MTURN: variants seen among roughly 807,000 people sequenced by gnomAD.
MTURN encodes maturin.
In MTURN, 7 loss-of-function variants were observed where a neutral mutation model predicts 14.9. That is an observed-to-expected ratio of 0.47 (90% CI 0.27 to 0.88). The LOEUF is 0.88. MTURN is among the 40% of genes least tolerant of loss of function. MTURN has a pLI of 0.14. For synonymous variants in MTURN, 69 were observed against 72.5 expected, an observed-to-expected ratio of 0.95 and a Z score of 0.25; for missense variants, 151 against 174.1, an observed-to-expected ratio of 0.87 and a Z score of 0.75.
chr7:30,156,212 C>T (rs558133420), intron 2 of MTURN, among the ~76,000 whole-genome samples: 6 of 152,230 alleles, frequency 3.9e-5, no homozygotes, highest in Admixed American at 2.6e-4. Context: ...CTTTAAAAAA[C>T]GATGTTTATT....
chr7:30,137,214 T>G (rs1467897871), intron 1 of MTURN: 2 of 162,766 alleles, frequency 1.2e-5, no homozygotes, highest in Non-Finnish European at 2.7e-5. Context: ...CTGGGCTTCC[T>G]TCATCTGCCA....
intron 1 of MTURN, among the ~76,000 whole-genome samples, chr7:30,141,797 A>G (rs1208285827): frequency 6.6e-6 from 1 of 152,212 alleles, no homozygotes; most frequent in Non-Finnish European, 1.5e-5. Flanking sequence ...TGTTGGAATT[A>G]CAGGTGTGAG....
intron 2 of MTURN, among the ~76,000 whole-genome samples, chr7:30,154,100 G>A (rs1346771880): frequency 6.6e-6 from 1 of 152,142 alleles, no homozygotes; most frequent in Admixed American, 6.5e-5. Flanking sequence ...CGAGACACGG[G>A]GTTTTACCGT....
chr7:30,140,048 TCAG>T (rs998478315), intron 1 of MTURN, among the ~76,000 whole-genome samples: 2 of 152,116 alleles, frequency 1.3e-5, no homozygotes, highest in Non-Finnish European at 2.9e-5. Context: ...GAATGGGGTG[TCAG>T]CAGCCACTTG....
rs1796920400 is a variant in MTURN, at chr7:30,135,061, C to T, written c.-76C>T. 4.2e-6 allele frequency: 5 copies of T among 1,187,850 alleles called. No homozygotes were observed. The highest frequency in any genetic ancestry group is 4.8e-5 in the East Asian group (1 of 20,966). The allele number at this position is 1,187,850 out of a possible 1,614,324, so 73.6% of individuals were successfully genotyped here. A position where few individuals can be genotyped will look rare whatever the true frequency, so the allele number is the denominator to read the frequency against. On this transcript the variant is annotated 5_prime_UTR_variant, in exon 1 of 3. Transcript: ENST00000324453. The stretch of plus-strand genomic sequence containing the variant: ...GAGCCCGCGCAGGCCGAGCCGAGCG[C>T]CGCGCTGCCCGCCCGGGAGGAGGGC...
chr7:30,136,377 A>T (rs1796961489), intron 1 of MTURN, among the ~76,000 whole-genome samples: 1 of 152,154 alleles, frequency 6.6e-6, no homozygotes, highest in Non-Finnish European at 1.5e-5. Flanking sequence ...ATAAATAATG[A>T]TCCCCAAATG....
intron 2 of MTURN, among the ~76,000 whole-genome samples, chr7:30,148,339 G>A (rs1305587960): frequency 2.6e-5 from 4 of 152,260 alleles, no homozygotes; most frequent in Non-Finnish European, 5.9e-5. Context: ...GGCCAGTGTG[G>A]CTGAAGGAAT....
chr7:30,135,754 C>A (rs1304998844), intron 1 of MTURN, among the ~76,000 whole-genome samples: 1 of 152,210 alleles, frequency 6.6e-6, no homozygotes, highest in Non-Finnish European at 1.5e-5. Context: ...GCGTCCCGTC[C>A]GGGATAGGAA....
chr7:30,150,813 C>G (rs149804322), intron 2 of MTURN, among the ~76,000 whole-genome samples: 15 of 152,300 alleles, frequency 9.8e-5, no homozygotes, highest in African/African-American at 3.6e-4. Flanking sequence ...AGAAATGGCT[C>G]CATGTGGTGG....
intron 2 of MTURN, among the ~76,000 whole-genome samples, chr7:30,157,175 A>T (rs902511123): frequency 6.6e-6 from 1 of 152,220 alleles, no homozygotes; most frequent in Non-Finnish European, 1.5e-5. Flanking sequence ...CTCTCTGTGC[A>T]TATGTGGTGC....
intron 2 of MTURN, among the ~76,000 whole-genome samples, chr7:30,156,562 C>T (rs1458364938): frequency 1.3e-5 from 2 of 152,118 alleles, no homozygotes; most frequent in African/African-American, 4.8e-5. Flanking sequence ...CATGGTGGCT[C>T]ACGCCTGTAA....
intron 1 of MTURN, 156 bp from the exon 2 acceptor site, chr7:30,146,021 A>G: frequency 6.4e-6 from 10 of 1,563,260 alleles, no homozygotes; most frequent in Non-Finnish European, 8.7e-6. Context: ...TTTCAACGCA[A>G]ACAAATCAAG....
At chr7:30,152,567 T>G (rs1416431871) in intron 2 of MTURN, among the ~76,000 whole-genome samples, 1 of 152,154 alleles carries the variant, frequency 6.6e-6, no homozygotes, top group Non-Finnish European at 1.5e-5. Flanking sequence ...AGAGACTGCC[T>G]AAGGGGAGTC....
rs1797381835 is a variant in MTURN, at chr7:30,162,039, C to T, written c.*4491C>T. The T allele has an allele frequency of 6.6e-6, 1 of 151,760 alleles. No individual in the cohort carries two copies. The highest frequency in any genetic ancestry group is 6.6e-5 in the Admixed American group (1 of 15,246). 9.4% of individuals were successfully genotyped at this position (151,760 alleles called of 1,614,324 possible). On this transcript the variant is annotated 3_prime_UTR_variant, in exon 3 of 3. Coordinates refer to ENST00000324453, the MANE Select transcript of MTURN (RefSeq NM_152793.3). Reference sequence around the variant, plus strand: ...TTGTCTTTTATATTTTTATTTAAATCTGGATTACGAAAATATAGTACCCAT... The same window carrying T: ...TTGTCTTTTATATTTTTATTTAAATTTGGATTACGAAAATATAGTACCCAT...
At position 30,158,420 on chromosome 7, in the gene MTURN, A is replaced by G. The variant is rs1317332020; in HGVS notation, c.*872A>G. 5 of 152,670 alleles carry G rather than the reference A, an allele frequency of 3.3e-5. No homozygotes were observed. The East Asian group carries it at 7.7e-4, about 23-fold the overall frequency. 9.5% of individuals were successfully genotyped at this position (152,670 alleles called of 1,614,324 possible). A position where few individuals can be genotyped will look rare whatever the true frequency, so the allele number is the denominator to read the frequency against. On this transcript the variant is annotated 3_prime_UTR_variant, in exon 3 of 3. Coordinates refer to ENST00000324453, the MANE Select transcript of MTURN (RefSeq NM_152793.3). ...CAAGTGCCGCTTAAACTTTGAAGCCATAGATAAATTTGTTAGAAAAGTAAA... is the reference window on the plus strand; with the variant it reads ...CAAGTGCCGCTTAAACTTTGAAGCCGTAGATAAATTTGTTAGAAAAGTAAA...
At position 30,160,773 on chromosome 7, in the gene MTURN, G is replaced by A. The variant is rs745884438; in HGVS notation, c.*3225G>A. The A allele has an allele frequency of 6.6e-6, 1 of 152,194 alleles. No homozygotes were observed. The highest frequency in any genetic ancestry group is 1.5e-5 in the Non-Finnish European group (1 of 68,060). 9.4% of individuals were successfully genotyped at this position (152,194 alleles called of 1,614,324 possible). Reference sequence around the variant, plus strand: ...AGCCTGATCACCATATCGAGCAGACGTCAAGGAATCAGAGTGAAGTACGGA... The same window carrying A: ...AGCCTGATCACCATATCGAGCAGACATCAAGGAATCAGAGTGAAGTACGGA... On this transcript the variant is annotated 3_prime_UTR_variant, in exon 3 of 3. Coordinates refer to ENST00000324453, the MANE Select transcript of MTURN (RefSeq NM_152793.3).
In MTURN at chr7:30,156,906, A is replaced by G. The variant is rs867732425; in HGVS notation, c.286-532A>G. 5.9e-5 allele frequency among the ~76,000 whole-genome samples: 9 copies of G among 152,322 alleles called. No individual in the cohort carries two copies. The Middle Eastern group carries it at 0.017, about 290-fold the overall frequency. ...TATGTGCATCTTTTTAATGTCATCA[A>G]GTCATTCAAAAATGCCATTTTGAGT... On this transcript the variant is annotated intron_variant, in intron 2 of 2. Transcript: ENST00000324453.
chr7:30,149,964 C>A (rs184176969), intron 2 of MTURN, among the ~76,000 whole-genome samples: 152 of 152,244 alleles, frequency 1.0e-3, no homozygotes, highest in African/African-American at 3.5e-3. Context: ...ATCTCTTAAC[C>A]CAATTATGAG....
intron 1 of MTURN, among the ~76,000 whole-genome samples, chr7:30,144,243 G>C (rs914036291): frequency 8.5e-5 from 13 of 152,212 alleles, no homozygotes; most frequent in Admixed American, 1.3e-4. Flanking sequence ...CAGAGGACAG[G>C]CTTCAAGTTT....
Sources: gnomAD v4.1 joint callset for allele counts (sites outside exome capture counted in the v4.1 genomes callset) on GRCh38, gnomAD v4.1.1 for gene constraint, MANE v1.5 for transcripts, NCBI Gene and HGNC (gene_info 2026-07-23, HGNC 2026-07-21) for gene names.